The following EYS variants were observed in gnomAD, a reference collection of about 807,000 sequenced individuals.
EYS encodes EGF-like photoreceptor maintenance factor.
Under a neutral mutation model 282.1 loss-of-function variants are expected in EYS, and 250 were observed. The observed-to-expected ratio is 0.89, with a 90% CI of 0.80 to 0.98. EYS has a LOEUF of 0.98. Among genes scored for constraint, EYS ranks in the 50% least tolerant of loss-of-function variants. EYS has a pLI of 0.00. For missense variants in EYS, 4,016 were observed against 3,709.0 expected (o/e 1.08, Z -2.15); for synonymous variants, 1,355 against 1,282.9 (o/e 1.06, Z -1.20).
chr6:65,271,702 T>A (rs1485895138), intron 12 of EYS, among the ~76,000 whole-genome samples: 1 of 151,922 alleles, frequency 6.6e-6, no homozygotes, highest in Non-Finnish European at 1.5e-5. Flanking sequence ...CCTGCCTCAA[T>A]CTCCCTCATA....
At chr6:64,396,605 A>C (rs1773387188) in intron 28 of EYS, among the ~76,000 whole-genome samples, 1 of 151,926 alleles carries the variant, frequency 6.6e-6, no homozygotes, top group African/African-American at 2.4e-5. Flanking sequence ...TATAGTCCCA[A>C]GTATGTATCA....
At chr6:65,208,880 C>T (rs1030789286) in intron 12 of EYS, among the ~76,000 whole-genome samples, 3 of 151,798 alleles carry the variant, frequency 2.0e-5, no homozygotes, top group African/African-American at 7.2e-5. Flanking sequence ...AAAGCCCAAA[C>T]CTCACCCTTA....
intron 18 of EYS, among the ~76,000 whole-genome samples, chr6:64,898,683 A>G (rs1342509537): frequency 6.6e-6 from 1 of 150,924 alleles, no homozygotes; most frequent in Non-Finnish European, 1.5e-5. Context: ...GTCAAGAACC[A>G]TCAGTGTGCT....
At chr6:65,400,781 T>C (rs943370691) in intron 7 of EYS, among the ~76,000 whole-genome samples, 1 of 152,088 alleles carries the variant, frequency 6.6e-6, no homozygotes, top group Non-Finnish European at 1.5e-5. Flanking sequence ...AATCACTCTA[T>C]TCTTCTCCTT....
intron 31 of EYS, among the ~76,000 whole-genome samples, chr6:64,144,277 A>G (rs372522540): frequency 7.9e-5 from 12 of 152,316 alleles, no homozygotes; most frequent in African/African-American, 1.9e-4. Context: ...TTCATGCTTC[A>G]GACTACCATA....
intron 30 of EYS, among the ~76,000 whole-genome samples, chr6:64,243,607 C>G (rs1766909473): frequency 1.3e-5 from 2 of 152,328 alleles, no homozygotes; most frequent in African/African-American, 4.8e-5. Flanking sequence ...CATGGCCAAA[C>G]TCACTGCAAG....
intron 22 of EYS, among the ~76,000 whole-genome samples, chr6:64,742,851 C>A (rs1404954882): frequency 6.6e-6 from 1 of 152,100 alleles, no homozygotes; most frequent in Non-Finnish European, 1.5e-5. Context: ...GTCATTCATT[C>A]AGTTTTTCAG....
intron 12 of EYS, among the ~76,000 whole-genome samples, chr6:65,243,842 G>A (rs552314605): frequency 4.6e-5 from 7 of 152,250 alleles, no homozygotes; most frequent in African/African-American, 1.4e-4. Context: ...CCAAGAGTTC[G>A]AGGCTGCTGT....
chr6:64,127,173 A>G (rs1164426667), intron 31 of EYS, among the ~76,000 whole-genome samples: 9 of 152,220 alleles, frequency 5.9e-5, no homozygotes, highest in Admixed American at 5.9e-4. Context: ...CCTGAATAAT[A>G]TATCATGTGT....
chr6:64,771,448 T>A (rs74996177), intron 22 of EYS, among the ~76,000 whole-genome samples: 119 of 151,904 alleles, frequency 7.8e-4, no homozygotes, highest in African/African-American at 2.3e-3. Context: ...ATTTTGGAAT[T>A]AATTTGTTTT....
At chr6:63,741,676 C>A (rs1402059053) in intron 41 of EYS, among the ~76,000 whole-genome samples, 2 of 152,142 alleles carry the variant, frequency 1.3e-5, no homozygotes, top group African/African-American at 2.4e-5. Context: ...CATTCTCATC[C>A]TTGATGGTAC....
chr6:64,284,874 T>C (rs1168871864), intron 30 of EYS, among the ~76,000 whole-genome samples: 1 of 152,148 alleles, frequency 6.6e-6, no homozygotes, highest in African/African-American at 2.4e-5. Flanking sequence ...AACAAGTCCC[T>C]AGACTGCACA....
At chr6:63,745,752 T>C (rs1258766836) in intron 41 of EYS, among the ~76,000 whole-genome samples, 2 of 152,202 alleles carry the variant, frequency 1.3e-5, no homozygotes, top group African/African-American at 4.8e-5. Context: ...GGACTAAATA[T>C]TTCTGTCTTC....
intron 29 of EYS, among the ~76,000 whole-genome samples, chr6:64,371,709 T>C (rs1031646170): frequency 1.3e-5 from 2 of 152,206 alleles, no homozygotes; most frequent in African/African-American, 4.8e-5. Flanking sequence ...GTTGGGTACA[T>C]ATTTTTTTAG....
At chr6:65,227,157 C>T (rs914934481) in intron 12 of EYS, among the ~76,000 whole-genome samples, 3 of 130,588 alleles carry the variant, frequency 2.3e-5, no homozygotes, top group Admixed American at 1.5e-4. Flanking sequence ...ACAACAACAA[C>T]CAAAAAAAAA....
intron 22 of EYS, among the ~76,000 whole-genome samples, chr6:64,748,297 C>T (rs549806301): frequency 1.8e-4 from 27 of 152,294 alleles, no homozygotes; most frequent in Non-Finnish European, 2.9e-4. Context: ...TATAGAGCAG[C>T]GCTCCCCAAC....
At chr6:65,510,087 T>G (rs147222640) in intron 2 of EYS, among the ~76,000 whole-genome samples, 10,501 of 151,392 alleles carry the variant, frequency 0.069, 1,069 homozygotes, top group African/African-American at 0.22. Context: ...TAGTTACATA[T>G]GTATACATGT....
intron 10 of EYS, among the ~76,000 whole-genome samples, chr6:65,338,843 T>A (rs1040988017): frequency 3.3e-5 from 5 of 151,120 alleles, no homozygotes; most frequent in Admixed American, 2.7e-4. Context: ...AGTCACTTCA[T>A]CTGTAGAGAA....
chr6:65,688,970 T>C (rs1214825852), intron 1 of EYS, among the ~76,000 whole-genome samples: 1 of 151,302 alleles, frequency 6.6e-6, no homozygotes, highest in Non-Finnish European at 1.5e-5. Context: ...ATGTGGCGAT[T>C]CCTCAGGGAT....
Sources: gnomAD v4.1 joint callset for allele counts (sites outside exome capture counted in the v4.1 genomes callset) on GRCh38, gnomAD v4.1.1 for gene constraint, MANE v1.5 for transcripts, NCBI Gene and HGNC (gene_info 2026-07-23, HGNC 2026-07-21) for gene names.